NOS1AP: variants seen among roughly 807,000 people sequenced by gnomAD.
The protein encoded by NOS1AP is carboxyl-terminal PDZ ligand of neuronal nitric oxide synthase protein.
In NOS1AP, 21 loss-of-function variants were observed where a neutral mutation model predicts 56.2. The ratio of observed to expected loss-of-function variants is 0.37; its 90% confidence interval spans 0.26 to 0.54. NOS1AP has a LOEUF of 0.54. NOS1AP is among the 20% of genes least tolerant of loss of function. The pLI, the probability that NOS1AP is intolerant of heterozygous loss-of-function variation, is 0.84. For synonymous variants in NOS1AP, 270 were observed against 274.6 expected, an observed-to-expected ratio of 0.98 and a Z score of 0.17; for missense variants, 522 against 657.8, an observed-to-expected ratio of 0.79 and a Z score of 2.26.
At chr1:162,164,471 G>A (rs529597125) in intron 2 of NOS1AP, among the ~76,000 whole-genome samples, 30 of 152,118 alleles carry the variant, frequency 2.0e-4, no homozygotes, top group Non-Finnish European at 3.7e-4. Flanking sequence ...ATACCCCAAT[G>A]TTTTTCATCC....
chr1:162,174,025 G>GTT (rs1650936546), intron 2 of NOS1AP, among the ~76,000 whole-genome samples: 1 of 152,134 alleles, frequency 6.6e-6, no homozygotes, highest in Admixed American at 6.5e-5. Context: ...TCTAGAACTA[G>GTT]AAATACCATT....
intron 2 of NOS1AP, among the ~76,000 whole-genome samples, chr1:162,286,519 A>G (rs1655093306): frequency 6.6e-6 from 1 of 152,228 alleles, no homozygotes. Context: ...ATGTAGAATT[A>G]TACCACCAGT....
At chr1:162,295,866 C>T (rs1655440199) in intron 3 of NOS1AP, among the ~76,000 whole-genome samples, 1 of 152,138 alleles carries the variant, frequency 6.6e-6, no homozygotes, top group Non-Finnish European at 1.5e-5. Context: ...CAAGGAGTGA[C>T]ACCTTGCTTG....
chr1:162,361,035 C>G (rs1310939320), intron 8 of NOS1AP: 2 of 400,986 alleles, frequency 5.0e-6, no homozygotes, highest in African/African-American at 4.2e-5. Context: ...CAGGGCTGAA[C>G]TTTTGTGTGT....
At chr1:162,313,836 C>T (rs1359801188) in intron 4 of NOS1AP, among the ~76,000 whole-genome samples, 1 of 152,054 alleles carries the variant, frequency 6.6e-6, no homozygotes, top group African/African-American at 2.4e-5. Context: ...GTGCTTTTAC[C>T]TTTGTCCTTT....
intron 1 of NOS1AP, among the ~76,000 whole-genome samples, chr1:162,078,604 T>G (rs931440585): frequency 6.6e-6 from 1 of 152,154 alleles, no homozygotes; most frequent in African/African-American, 2.4e-5. Flanking sequence ...AGTGTCCCAC[T>G]TGTTCTCTGA....
intron 1 of NOS1AP, among the ~76,000 whole-genome samples, chr1:162,135,190 C>T (rs756158811): frequency 2.0e-5 from 3 of 152,154 alleles, no homozygotes; most frequent in Non-Finnish European, 4.4e-5. Flanking sequence ...AATCATATGT[C>T]TCTCTTTATG....
intron 1 of NOS1AP, among the ~76,000 whole-genome samples, chr1:162,087,418 G>GA (rs1692027763): frequency 6.6e-6 from 1 of 152,106 alleles, no homozygotes; most frequent in Non-Finnish European, 1.5e-5. Context: ...ACACTAATTT[G>GA]TCTACTCTTT....
At chr1:162,289,464 CTTTTCTTTTTTTTTTT>C (rs1279643216) in intron 3 of NOS1AP, among the ~76,000 whole-genome samples, 3 of 45,058 alleles carry the variant, frequency 6.7e-5, no homozygotes, top group South Asian at 2.3e-3. Context: ...CGCCCAGCTA[CTTTTCTTTTTTTTTTT>C]TTTTTTTTTT....
intron 2 of NOS1AP, among the ~76,000 whole-genome samples, chr1:162,196,397 G>A (rs769393739): frequency 3.3e-5 from 5 of 152,218 alleles, no homozygotes; most frequent in East Asian, 3.8e-4. Flanking sequence ...TGATTCATAC[G>A]TTTAACATTT....
At chr1:162,194,658 T>G (rs1380444874) in intron 2 of NOS1AP, among the ~76,000 whole-genome samples, 1 of 152,210 alleles carries the variant, frequency 6.6e-6, no homozygotes, top group Non-Finnish European at 1.5e-5. Context: ...TCCTGGGGAT[T>G]TGGCAAGGTT....
intron 2 of NOS1AP, among the ~76,000 whole-genome samples, chr1:162,237,492 C>T (rs1255703198): frequency 6.6e-6 from 1 of 152,124 alleles, no homozygotes; most frequent in East Asian, 1.9e-4. Context: ...CATTAAGGCC[C>T]ACTGGGAAAT....
rs12757558 is a variant in NOS1AP, at chr1:162,080,829, T to G, written c.105+10547T>G. Among the ~76,000 whole-genome samples the G allele has an allele frequency of 4.6e-3, 703 of 152,332 alleles. 5 individuals are homozygous for G. Among genetic ancestry groups the G allele is most frequent in the South Asian group, 0.032 (154 of 4,826 alleles). On this transcript the variant is annotated intron_variant, in intron 1 of 9. Coordinates refer to ENST00000361897, the MANE Select transcript of NOS1AP (RefSeq NM_014697.3). Reference sequence around the variant, plus strand: ...TTACTGTCATTTAGAAAGCGCTTACTGTGTTCCAGGCACTGTGCCAAGCTC... The same window carrying G: ...TTACTGTCATTTAGAAAGCGCTTACGGTGTTCCAGGCACTGTGCCAAGCTC...
intron 4 of NOS1AP, among the ~76,000 whole-genome samples, chr1:162,329,360 A>AG (rs1378759078): frequency 8.9e-5 from 10 of 111,748 alleles, no homozygotes; most frequent in Middle Eastern, 5.6e-3. Context: ...ACCAAGAAAA[A>AG]AAGAGAGAGA....
chr1:162,361,260 G>T (rs934270208), intron 8 of NOS1AP, among the ~76,000 whole-genome samples: 3 of 147,182 alleles, frequency 2.0e-5, no homozygotes, highest in Non-Finnish European at 4.4e-5. Flanking sequence ...TTCTTTGAAA[G>T]AAAAGCATGC....
At chr1:162,096,799 G>T (rs942074659) in intron 1 of NOS1AP, among the ~76,000 whole-genome samples, 1 of 151,968 alleles carries the variant, frequency 6.6e-6, no homozygotes, top group African/African-American at 2.4e-5. Flanking sequence ...TTATTCCATT[G>T]TATAGATATA....
At chr1:162,144,694 C>T (rs1300564923) in intron 1 of NOS1AP, among the ~76,000 whole-genome samples, 1 of 152,196 alleles carries the variant, frequency 6.6e-6, no homozygotes, top group Non-Finnish European at 1.5e-5. Context: ...TCACACCTGC[C>T]TCTGTGACAC....
At chr1:162,108,673 A>G (rs1647600408) in intron 1 of NOS1AP, among the ~76,000 whole-genome samples, 1 of 152,208 alleles carries the variant, frequency 6.6e-6, no homozygotes, top group Non-Finnish European at 1.5e-5. Context: ...ATATTGCCAA[A>G]AAGATTGCCT....
chr1:162,176,124 AC>A (rs1320572133), intron 2 of NOS1AP, among the ~76,000 whole-genome samples: 1 of 152,248 alleles, frequency 6.6e-6, no homozygotes, highest in African/African-American at 2.4e-5. Context: ...TTTGGGGGTC[AC>A]ATTTTACATT....
Sources: gnomAD v4.1 joint callset for allele counts (sites outside exome capture counted in the v4.1 genomes callset) on GRCh38, gnomAD v4.1.1 for gene constraint, MANE v1.5 for transcripts, NCBI Gene and HGNC (gene_info 2026-07-23, HGNC 2026-07-21) for gene names.